The following ZFHX3 variants were observed in gnomAD, a reference collection of about 807,000 sequenced individuals.
The protein encoded by ZFHX3 is zinc finger homeobox protein 3.
ZFHX3 carries 42 observed loss-of-function variants against 279.1 expected under a neutral mutation model. The ratio of observed to expected loss-of-function variants is 0.15; its 90% confidence interval spans 0.12 to 0.19. The LOEUF is 0.19. ZFHX3 is among the 10% of genes least tolerant of loss of function. The probability of loss-of-function intolerance (pLI) is 1.00; values close to 1 mark genes in which losing one functional copy is unlikely to be tolerated. For missense variants in ZFHX3, 4,981 were observed against 4,754.0 expected, an observed-to-expected ratio of 1.05 and a Z score of -1.40; for synonymous variants, 2,293 against 1,957.8, an observed-to-expected ratio of 1.17 and a Z score of -4.52.
intron 1 of ZFHX3, among the ~76,000 whole-genome samples, chr16:72,995,780 A>G (rs928345293): frequency 6.6e-6 from 1 of 152,164 alleles, no homozygotes; most frequent in Admixed American, 6.5e-5. Context: ...TCAACAAAGG[A>G]AAGCTCTGGG....
intron 2 of ZFHX3, among the ~76,000 whole-genome samples, chr16:73,542,866 G>A (rs2020043442): frequency 6.6e-6 from 1 of 152,180 alleles, no homozygotes; most frequent in Non-Finnish European, 1.5e-5. Context: ...GTGTGTGTGT[G>A]TGTGTTGGGA....
At chr16:73,476,142 T>G (rs931068984) in intron 2 of ZFHX3, among the ~76,000 whole-genome samples, 5 of 152,204 alleles carry the variant, frequency 3.3e-5, no homozygotes, top group African/African-American at 9.6e-5. Flanking sequence ...TTTTCAACAG[T>G]TGCAACTAGC....
intron 1 of ZFHX3, among the ~76,000 whole-genome samples, chr16:72,995,136 T>C (rs1352404507): frequency 6.6e-6 from 1 of 152,048 alleles, no homozygotes; most frequent in Admixed American, 6.6e-5. Context: ...TTCTCCAAAA[T>C]GGGATGGTGA....
In ZFHX3 at chr16:73,539,443, T is replaced by C. The variant is rs1423706733; in HGVS notation, c.-1546-83185A>G. Reference sequence around the variant, plus strand: ...TCCCTTCCTCTTCTTCTTTTTTTTTTTTTTTTTTTTTTTTTTTTTATAAGG... The same window carrying C: ...TCCCTTCCTCTTCTTCTTTTTTTTTCTTTTTTTTTTTTTTTTTTTATAAGG... On this transcript the variant is annotated intron_variant, in intron 2 of 17. Transcript: ENST00000641206. Among the ~76,000 whole-genome samples the C allele has an allele frequency of 4.0e-3, 519 of 130,788 alleles. 5 individuals carry two copies. The highest frequency in any genetic ancestry group is 0.011 in the African/African-American group (338 of 30,960). The allele number at this position is 130,788 out of a possible 152,430, so 85.8% of individuals were successfully genotyped here. A position where few individuals can be genotyped will look rare whatever the true frequency, so the allele number is the denominator to read the frequency against.
At chr16:73,250,961 C>T (rs554785844) in intron 5 of ZFHX3, among the ~76,000 whole-genome samples, 110 of 152,202 alleles carry the variant, frequency 7.2e-4, no homozygotes, top group African/African-American at 2.6e-3. Context: ...CTATCTTTGC[C>T]AGCTCCTGGT....
chr16:73,376,278 T>C (rs2016721333), intron 3 of ZFHX3, among the ~76,000 whole-genome samples: 1 of 152,204 alleles, frequency 6.6e-6, no homozygotes, highest in Admixed American at 6.5e-5. Context: ...TGAAGTACAG[T>C]TTTAAATCCT....
intron 1 of ZFHX3, among the ~76,000 whole-genome samples, chr16:73,759,903 G>GGGATTCCC (rs1393121489): frequency 1.3e-5 from 2 of 151,370 alleles, no homozygotes; most frequent in Non-Finnish European, 2.9e-5. Context: ...AGTAGAAAGT[G>GGGATTCCC]GGATTCCCAG....
chr16:73,357,828 C>T (rs1362756472), intron 3 of ZFHX3, among the ~76,000 whole-genome samples: 1 of 152,202 alleles, frequency 6.6e-6, no homozygotes, highest in African/African-American at 2.4e-5. Context: ...TTGCCCATTT[C>T]CCTCTTCCAG....
intron 3 of ZFHX3, among the ~76,000 whole-genome samples, chr16:73,346,217 C>T (rs2016121035): frequency 6.6e-6 from 1 of 152,192 alleles, no homozygotes; most frequent in South Asian, 2.1e-4. Context: ...CATCCTCTGC[C>T]TGCCTTTTGG....
chr16:73,172,259 T>C (rs560112572), intron 5 of ZFHX3, among the ~76,000 whole-genome samples: 17 of 152,342 alleles, frequency 1.1e-4, no homozygotes, highest in Non-Finnish European at 2.4e-4. Context: ...GCCTTGTCTC[T>C]GCCATCCACG....
chr16:73,804,396 C>T (rs1362740560), intron 1 of ZFHX3, among the ~76,000 whole-genome samples: 1 of 152,158 alleles, frequency 6.6e-6, no homozygotes, highest in Non-Finnish European at 1.5e-5. Flanking sequence ...CAAGGATGGC[C>T]ACGCAGTCCA....
At chr16:73,119,911 A>C (rs771832468) in intron 7 of ZFHX3, among the ~76,000 whole-genome samples, 29 of 152,132 alleles carry the variant, frequency 1.9e-4, no homozygotes, top group Non-Finnish European at 3.1e-4. Flanking sequence ...TATTTACAAC[A>C]AACAAAAAAA....
chr16:73,670,383 G>A (rs1302955455), intron 2 of ZFHX3, among the ~76,000 whole-genome samples: 1 of 152,198 alleles, frequency 6.6e-6, no homozygotes, highest in African/African-American at 2.4e-5. Flanking sequence ...TGGCTCAGGA[G>A]GGAAGCAGTT....
At chr16:73,882,823 A>G (rs964551478) in intron 1 of ZFHX3, among the ~76,000 whole-genome samples, 1 of 152,034 alleles carries the variant, frequency 6.6e-6, no homozygotes, top group Admixed American at 6.6e-5. Flanking sequence ...TGTTTATTCC[A>G]TCCACTTTCA....
intron 2 of ZFHX3, among the ~76,000 whole-genome samples, chr16:73,480,347 G>C (rs752025922): frequency 6.6e-6 from 1 of 152,146 alleles, no homozygotes; most frequent in South Asian, 2.1e-4. Flanking sequence ...CTGTTTGGAT[G>C]GGTTTTGCTT....
chr16:72,904,314 C>G (rs563018121), intron 3 of ZFHX3, among the ~76,000 whole-genome samples: 3 of 151,220 alleles, frequency 2.0e-5, no homozygotes, highest in Non-Finnish European at 2.9e-5. Context: ...CGCAGTGAGC[C>G]GAGATCACAA....
intron 2 of ZFHX3, 32 bp downstream of exon 2, chr16:72,957,395 A>G (rs1333778493): frequency 6.4e-6 from 10 of 1,566,320 alleles, no homozygotes; most frequent in Non-Finnish European, 8.7e-6. Flanking sequence ...AACTCCTATC[A>G]TGAAAACAGA....
chr16:72,950,976 G>T lies in ZFHX3; in HGVS notation c.2720-11C>A. 1 of 1,603,672 alleles carries T rather than the reference G, an allele frequency of 6.2e-7. No individual in the cohort carries two copies. On this transcript the variant is annotated splice_polypyrimidine_tract_variant and intron_variant, in intron 2 of 9. Coordinates refer to ENST00000268489, the MANE Select transcript of ZFHX3 (RefSeq NM_006885.4). ...GGATCTCACCGCCCACTGCAGGGAAGGAGAGAAGGAGAGAGTCAGACACCA... is the reference window on the plus strand; with the variant it reads ...GGATCTCACCGCCCACTGCAGGGAATGAGAGAAGGAGAGAGTCAGACACCA...
intron 7 of ZFHX3, among the ~76,000 whole-genome samples, chr16:73,115,768 C>G (rs1966424999): frequency 6.6e-6 from 1 of 152,134 alleles, no homozygotes; most frequent in Admixed American, 6.6e-5. Flanking sequence ...ATAACTTGTT[C>G]AAGTTCACAT....
Sources: allele counts gnomAD v4.1 joint callset (sites outside exome capture counted in the v4.1 genomes callset), GRCh38; gene constraint gnomAD v4.1.1; transcripts MANE v1.5; gene names NCBI Gene and HGNC (gene_info 2026-07-23, HGNC 2026-07-21).